The following MINDY4 variants were observed in gnomAD, a reference collection of about 807,000 sequenced individuals.
MINDY4 encodes the protein MINDY lysine 48 deubiquitinase 4.
In MINDY4, 68 loss-of-function variants were observed where a neutral mutation model predicts 87.0. The observed-to-expected ratio is 0.78, with a 90% CI of 0.64 to 0.96. The LOEUF (loss-of-function observed/expected upper bound fraction) is 0.96. MINDY4 is among the 40% of genes least tolerant of loss of function. The pLI is 0.00. For missense variants in MINDY4, 919 were observed against 928.2 expected (o/e 0.99, Z 0.13); for synonymous variants, 379 against 363.2 (o/e 1.04, Z -0.50).
At chr7:30,776,529 C>T (rs2128164741) in intron 1 of MINDY4, among the ~76,000 whole-genome samples, 1 of 152,320 alleles carries the variant, frequency 6.6e-6, no homozygotes, top group East Asian at 1.9e-4. Context: ...CTTGTTGTCT[C>T]TCCCCCTATA....
chr7:30,876,856 C>T (rs1393391721), intron 15 of MINDY4, among the ~76,000 whole-genome samples: 2 of 152,104 alleles, frequency 1.3e-5, no homozygotes, highest in Non-Finnish European at 2.9e-5. Flanking sequence ...TCAGCAGGGC[C>T]TTGCAGATAG....
At chr7:30,874,444 A>T (rs1049284160) in intron 14 of MINDY4, among the ~76,000 whole-genome samples, 6 of 152,132 alleles carry the variant, frequency 3.9e-5, no homozygotes, top group African/African-American at 1.4e-4. Flanking sequence ...CTCCATTCCT[A>T]AGAGGAGGTT....
chr7:30,888,484 G>C (rs1339298412), intron 17 of MINDY4, among the ~76,000 whole-genome samples: 1 of 152,212 alleles, frequency 6.6e-6, no homozygotes, highest in African/African-American at 2.4e-5. Context: ...CATTAGCACT[G>C]ATGAATGAGT....
intron 10 of MINDY4, among the ~76,000 whole-genome samples, chr7:30,851,248 A>T (rs748122311): frequency 6.6e-6 from 1 of 152,306 alleles, no homozygotes; most frequent in East Asian, 1.9e-4. Context: ...TCACTGTAGC[A>T]TATTGCTTCA....
At chr7:30,873,240 G>T (rs1375517084) in intron 14 of MINDY4, among the ~76,000 whole-genome samples, 1 of 152,182 alleles carries the variant, frequency 6.6e-6, no homozygotes, top group Non-Finnish European at 1.5e-5. Flanking sequence ...GCCCGGGGTG[G>T]CCTCACTCTC....
At chr7:30,774,363 T>TG (rs1291992762) in intron 1 of MINDY4, among the ~76,000 whole-genome samples, 1 of 152,200 alleles carries the variant, frequency 6.6e-6, no homozygotes, top group Non-Finnish European at 1.5e-5. Flanking sequence ...CCTCCATGTG[T>TG]GCATGCCCTC....
In MINDY4 at chr7:30,892,292, C is replaced by T. The variant is rs1225694228; in HGVS notation, c.*287C>T. 2.4e-5 allele frequency: 10 copies of T among 424,492 alleles called. No individual in the cohort carries two copies. Among genetic ancestry groups the T allele is most frequent in the Non-Finnish European group, 4.2e-5 (10 of 236,240 alleles). 26.3% of individuals were successfully genotyped at this position (424,492 alleles called of 1,614,324 possible). The stretch of plus-strand genomic sequence containing the variant: ...TTTGTCTGCATCCCTCCCTTGCTCC[C>T]TGCTGGGTGGTCCCTCACCCAGGCC... On this transcript the variant is annotated 3_prime_UTR_variant, in exon 18 of 18. Transcript: ENST00000265299.
chr7:30,848,923 G>C (rs147685387), intron 9 of MINDY4, among the ~76,000 whole-genome samples: 2 of 152,160 alleles, frequency 1.3e-5, no homozygotes, highest in Non-Finnish European at 2.9e-5. Flanking sequence ...ATAGTCATAC[G>C]CGCCATTGAT....
chr7:30,828,610 A>G, intron 5 of MINDY4, 69 bp from the exon 6 acceptor site: 1 of 1,521,676 alleles, frequency 6.6e-7, no homozygotes, highest in Non-Finnish European at 9.1e-7. Context: ...ATCGCTCTTA[A>G]CAGTCTTCTC....
chr7:30,857,306 G>A (rs1036038645), intron 12 of MINDY4, among the ~76,000 whole-genome samples: 3 of 152,032 alleles, frequency 2.0e-5, no homozygotes, highest in South Asian at 2.1e-4. Context: ...CTCCCTCCCC[G>A]AACTTGAAGT....
rs573816905 is a variant in MINDY4, at chr7:30,771,971, A to G, written c.63+415A>G. On this transcript the variant is annotated intron_variant, in intron 1 of 17. Transcript: ENST00000265299. ...CCCACTCGGAAAGAACTTCTCCCAG[A>G]GGGAACCCCAAAAGCCCAGAAAAGT... Among the ~76,000 whole-genome samples, 263 of 152,356 alleles carry G rather than the reference A, an allele frequency of 1.7e-3. 2 individuals are homozygous for G. The highest frequency in any genetic ancestry group is 6.0e-3 in the African/African-American group (250 of 41,588).
chr7:30,854,974 G>A (rs1016167237), intron 12 of MINDY4, among the ~76,000 whole-genome samples: 1 of 152,250 alleles, frequency 6.6e-6, no homozygotes, highest in Non-Finnish European at 1.5e-5. Context: ...GCGCATGGGA[G>A]AAGGAGTGCT....
At chr7:30,828,318 T>TTG (rs60396175) in intron 5 of MINDY4, among the ~76,000 whole-genome samples, 8,829 of 147,910 alleles carry the variant, frequency 0.06, 262 homozygotes, top group African/African-American at 0.083. Context: ...AGAACTCGAT[T>TTG]TGTGTGTGTG....
chr7:30,808,434 G>T (rs906662374), intron 5 of MINDY4, among the ~76,000 whole-genome samples: 7 of 152,080 alleles, frequency 4.6e-5, no homozygotes, highest in African/African-American at 7.2e-5. Flanking sequence ...ATTCTGGTTT[G>T]GTGTAAACTG....
intron 8 of MINDY4, among the ~76,000 whole-genome samples, chr7:30,840,406 G>T (rs1051438707): frequency 6.6e-6 from 1 of 152,206 alleles, no homozygotes; most frequent in Non-Finnish European, 1.5e-5. Flanking sequence ...CTTGAAGGCT[G>T]GGTAGACAAT....
intron 12 of MINDY4, among the ~76,000 whole-genome samples, chr7:30,857,225 C>T (rs945521716): frequency 1.3e-5 from 2 of 152,178 alleles, no homozygotes; most frequent in Non-Finnish European, 2.9e-5. Context: ...GCGACGTTCA[C>T]TTTTCTGATT....
intron 5 of MINDY4, among the ~76,000 whole-genome samples, chr7:30,824,643 A>AT (rs1788443875): frequency 2.6e-5 from 4 of 152,158 alleles, no homozygotes. Context: ...GCGTGATCAT[A>AT]GCTCACTGCA....
intron 3 of MINDY4, among the ~76,000 whole-genome samples, chr7:30,784,661 G>A (rs1787101276): frequency 1.3e-5 from 2 of 152,232 alleles, no homozygotes; most frequent in Admixed American, 6.5e-5. Context: ...TGCTGGGGCT[G>A]GGCCTTCTGG....
chr7:30,851,828 G>A (rs111666139), intron 10 of MINDY4, among the ~76,000 whole-genome samples: 6,262 of 152,292 alleles, frequency 0.041, 154 homozygotes, highest in Middle Eastern at 0.092. Context: ...GGGGAGCCTC[G>A]GAGAGGATGG....
Sources: gnomAD v4.1 joint callset for allele counts (sites outside exome capture counted in the v4.1 genomes callset) on GRCh38, gnomAD v4.1.1 for gene constraint, MANE v1.5 for transcripts, NCBI Gene and HGNC (gene_info 2026-07-23, HGNC 2026-07-21) for gene names.